Variants in PABPC4L observed in about 807,000 individuals in gnomAD.
PABPC4L encodes poly(A) binding protein cytoplasmic 4 like, also known as polyadenylate-binding protein 4-like.
For missense variants in PABPC4L, 452 were observed against 451.4 expected (o/e 1.00, Z -0.01); for synonymous variants, 169 against 164.1 (o/e 1.03, Z -0.23).
chr4:134,022,760 C>T, the PABPC4L span, among the ~76,000 whole-genome samples: 1 of 152,064 alleles, frequency 6.6e-6, no homozygotes, highest in Non-Finnish European at 1.5e-5. Context: ...AAGATATTCT[C>T]ATGTCTTCTA....
the PABPC4L span, among the ~76,000 whole-genome samples, chr4:134,017,459 C>T: frequency 6.6e-6 from 1 of 152,162 alleles, no homozygotes; most frequent in South Asian, 2.1e-4. Context: ...TTCTCAACTA[C>T]TCATACATGC....
chr4:134,143,197 A>G, the PABPC4L span, among the ~76,000 whole-genome samples: 1 of 151,074 alleles, frequency 6.6e-6, no homozygotes, highest in Non-Finnish European at 1.5e-5. Context: ...CTATTATGTA[A>G]AAATTCTATT....
chr4:133,974,821 G>T, the PABPC4L span, among the ~76,000 whole-genome samples: 3 of 152,044 alleles, frequency 2.0e-5, no homozygotes, highest in Non-Finnish European at 4.4e-5. Flanking sequence ...TACTAATATT[G>T]CTGTAAATAA....
chr4:133,958,899 A>C, the PABPC4L span, among the ~76,000 whole-genome samples: 6 of 152,186 alleles, frequency 3.9e-5, no homozygotes, highest in Non-Finnish European at 5.9e-5. Context: ...AGCAATGCAG[A>C]GAAGAAACTA....
At chr4:134,066,658 A>G in the PABPC4L span, among the ~76,000 whole-genome samples, 1 of 152,030 alleles carries the variant, frequency 6.6e-6, no homozygotes, top group Admixed American at 6.6e-5. Context: ...CCCGTACAGT[A>G]TGATGTTGGC....
chr4:134,200,258 G>A lies in PABPC4L; in HGVS notation c.762C>T (p.Asp254=). 6.4e-7 allele frequency: 1 copy of A among 1,556,672 alleles called. No individual in the cohort carries two copies. The highest frequency in any genetic ancestry group is 8.7e-7 in the Non-Finnish European group (1 of 1,149,558). Residue 254 remains aspartate (D), a synonymous_variant, in exon 2 of 2, where the codon GAC becomes GAT. Coordinates refer to ENST00000421491, the MANE Select transcript of PABPC4L (RefSeq NM_001114734.2). ...CTACAAAAATCAGCTGCCCATTTAT[G>A]TCCCTTCCATTCATTTCTTCAACAG... ...KKAVEEMNGR[D]INGQLIFVGR... is the part of the protein sequence containing the mutation.
chr4:133,998,493 T>G, the PABPC4L span, among the ~76,000 whole-genome samples: 3 of 152,034 alleles, frequency 2.0e-5, no homozygotes, highest in Non-Finnish European at 4.4e-5. Flanking sequence ...AAAATACACC[T>G]TTATAATAAG....
chr4:134,012,453 C>T, the PABPC4L span, among the ~76,000 whole-genome samples: 2 of 152,298 alleles, frequency 1.3e-5, no homozygotes, highest in Non-Finnish European at 2.9e-5. Context: ...AACAGCCCCC[C>T]TTTGACTGTA....
the PABPC4L span, among the ~76,000 whole-genome samples, chr4:133,990,204 G>C: frequency 6.6e-6 from 1 of 152,220 alleles, no homozygotes; most frequent in East Asian, 1.9e-4. Context: ...GTGGCAACGT[G>C]CATCAAGCAA....
chr4:133,989,010 C>T, the PABPC4L span, among the ~76,000 whole-genome samples: 3 of 152,102 alleles, frequency 2.0e-5, no homozygotes, highest in Non-Finnish European at 4.4e-5. Context: ...ACCTTGGACC[C>T]TTTTACCCAT....
chr4:133,963,525 A>G, the PABPC4L span, among the ~76,000 whole-genome samples: 14 of 152,132 alleles, frequency 9.2e-5, no homozygotes, highest in Admixed American at 9.2e-4. Flanking sequence ...TCCATCCAAT[A>G]ACCAGAGAAT....
At chr4:134,039,760 C>T in the PABPC4L span, among the ~76,000 whole-genome samples, 8 of 151,976 alleles carry the variant, frequency 5.3e-5, no homozygotes, top group Non-Finnish European at 1.2e-4. Flanking sequence ...ACCGATGGGT[C>T]TTGACTCTTT....
the PABPC4L span, among the ~76,000 whole-genome samples, chr4:134,132,230 C>T: frequency 5.9e-5 from 9 of 151,800 alleles, no homozygotes; most frequent in Non-Finnish European, 1.3e-4. Flanking sequence ...AAATTAACCT[C>T]AAAAGATTCT....
chr4:134,101,973 T>C, the PABPC4L span, among the ~76,000 whole-genome samples: 32 of 151,658 alleles, frequency 2.1e-4, no homozygotes, highest in East Asian at 2.9e-3. Context: ...TCTCATTTTA[T>C]AGAATTAAAA....
the PABPC4L span, among the ~76,000 whole-genome samples, chr4:133,963,223 ACAG>A: frequency 2.6e-5 from 4 of 152,180 alleles, no homozygotes; most frequent in Non-Finnish European, 5.9e-5. Flanking sequence ...CTTTAAAGCA[ACAG>A]CAGTTAAAAA....
chr4:134,179,211 C>T, the PABPC4L span, among the ~76,000 whole-genome samples: 191 of 152,154 alleles, frequency 1.3e-3, 1 homozygote, highest in African/African-American at 4.2e-3. Context: ...TCAACAGAAA[C>T]TCTATGAGCC....
the PABPC4L span, among the ~76,000 whole-genome samples, chr4:134,080,127 C>A: frequency 6.6e-6 from 1 of 151,906 alleles, no homozygotes; most frequent in Non-Finnish European, 1.5e-5. Flanking sequence ...GTGGTTTAAT[C>A]TAGTATTTCA....
chr4:133,993,314 C>T, the PABPC4L span, among the ~76,000 whole-genome samples: 2 of 151,946 alleles, frequency 1.3e-5, no homozygotes, highest in Admixed American at 6.6e-5. Flanking sequence ...ATATGGGATG[C>T]CTGTAGAATG....
chr4:134,121,389 C>G, the PABPC4L span, among the ~76,000 whole-genome samples: 1 of 151,320 alleles, frequency 6.6e-6, no homozygotes, highest in South Asian at 2.1e-4. Context: ...TATAGCGATT[C>G]TGAATGATGT....
Sources: gnomAD v4.1 joint callset for allele counts (sites outside exome capture counted in the v4.1 genomes callset) on GRCh38, gnomAD v4.1.1 for gene constraint, MANE v1.5 for transcripts, NCBI Gene and HGNC (gene_info 2026-07-23, HGNC 2026-07-21) for gene names.